The following MAPK8 variants were observed in gnomAD, a reference collection of about 807,000 sequenced individuals.
MAPK8 encodes mitogen-activated protein kinase 8.
In MAPK8, 13 loss-of-function variants were observed where a neutral mutation model predicts 52.9. The observed-to-expected ratio is 0.25, with a 90% CI of 0.16 to 0.39. The LOEUF (loss-of-function observed/expected upper bound fraction) is 0.39. MAPK8 is among the 10% of genes least tolerant of loss of function. MAPK8 has a pLI of 1.00. For synonymous variants in MAPK8, 191 were observed against 169.8 expected (o/e 1.12, Z -0.97); for missense variants, 300 against 519.2 (o/e 0.58, Z 4.10).
intron 1 of MAPK8, among the ~76,000 whole-genome samples, chr10:48,321,830 G>T (rs1466683603): frequency 6.6e-6 from 1 of 152,108 alleles, no homozygotes; most frequent in Non-Finnish European, 1.5e-5. Flanking sequence ...TCTGGACTCT[G>T]AATTCTATTC....
At chr10:48,366,097 A>G (rs1400912328) in intron 1 of MAPK8, among the ~76,000 whole-genome samples, 1 of 152,064 alleles carries the variant, frequency 6.6e-6, no homozygotes. Flanking sequence ...CTCTTATGTA[A>G]TAAGAAAAGA....
At chr10:48,381,926 A>G (rs1251851853) in intron 1 of MAPK8, among the ~76,000 whole-genome samples, 1 of 152,186 alleles carries the variant, frequency 6.6e-6, no homozygotes. Flanking sequence ...GCACCCAAGT[A>G]TGATTATGAA....
chr10:48,382,821 C>G (rs1263528712), intron 1 of MAPK8, among the ~76,000 whole-genome samples: 2 of 144,320 alleles, frequency 1.4e-5, no homozygotes, highest in Non-Finnish European at 1.5e-5. Flanking sequence ...ATATATATGA[C>G]TCAGGCTAGC....
At chr10:48,424,268 T>A (rs2043537013) in intron 7 of MAPK8, 109 bp downstream of exon 7, 4 of 1,044,998 alleles carry the variant, frequency 3.8e-6, no homozygotes, top group Non-Finnish European at 5.7e-6. Flanking sequence ...TAAACAGGCA[T>A]AAAGTTTGTG....
intron 10 of MAPK8, chr10:48,429,790 A>G (rs2044035200): frequency 6.6e-6 from 1 of 152,272 alleles, no homozygotes; most frequent in South Asian, 2.1e-4. Flanking sequence ...CATTTGTTTT[A>G]CCTTATTACC....
chr10:48,361,009 A>G (rs1180042597), intron 1 of MAPK8, among the ~76,000 whole-genome samples: 3 of 152,144 alleles, frequency 2.0e-5, no homozygotes, highest in Non-Finnish European at 4.4e-5. Flanking sequence ...GTACATTTCT[A>G]TGCCAGTTAT....
chr10:48,321,412 C>G lies in MAPK8; in HGVS notation c.-50+14591C>G, dbSNP rs75574801. On this transcript the variant is annotated intron_variant, in intron 1 of 11. Transcript: ENST00000374189. ...AAGAGTTCTTTATATATTATAGATA[C>G]AAGTTGCATAACAGATGTATGGTTT... 6.2e-3 allele frequency among the ~76,000 whole-genome samples: 941 copies of G among 152,274 alleles called. 5 individuals are homozygous for G. The highest frequency in any genetic ancestry group is 0.02 in the Middle Eastern group (6 of 294).
At chr10:48,415,984 C>G (rs1223406297) in intron 5 of MAPK8, among the ~76,000 whole-genome samples, 1 of 152,126 alleles carries the variant, frequency 6.6e-6, no homozygotes, top group African/African-American at 2.4e-5. Context: ...CTCCCTTTAT[C>G]TTGGCTTGGG....
chr10:48,389,396 C>T (rs555451505), intron 1 of MAPK8, among the ~76,000 whole-genome samples: 2 of 152,238 alleles, frequency 1.3e-5, no homozygotes, highest in South Asian at 2.1e-4. Flanking sequence ...TATTATCTGC[C>T]TCTTGAAGAA....
chr10:48,382,950 A>ATATG (rs1554825284), intron 1 of MAPK8, among the ~76,000 whole-genome samples: 1 of 146,602 alleles, frequency 6.8e-6, no homozygotes, highest in Non-Finnish European at 1.5e-5. Flanking sequence ...GTATATATAT[A>ATATG]TGTATATATA....
intron 5 of MAPK8, among the ~76,000 whole-genome samples, chr10:48,413,107 T>C (rs2042850891): frequency 6.6e-6 from 1 of 152,244 alleles, no homozygotes; most frequent in Non-Finnish European, 1.5e-5. Context: ...ATCCATGTTG[T>C]AGCATATGTC....
intron 1 of MAPK8, among the ~76,000 whole-genome samples, chr10:48,401,245 A>C (rs537553667): frequency 6.6e-6 from 1 of 152,270 alleles, no homozygotes; most frequent in African/African-American, 2.4e-5. Context: ...TTTATTCTCT[A>C]TAATAAGCAC....
At chr10:48,384,121 G>A (rs1345536514) in intron 1 of MAPK8, among the ~76,000 whole-genome samples, 1 of 152,136 alleles carries the variant, frequency 6.6e-6, no homozygotes, top group Non-Finnish European at 1.5e-5. Flanking sequence ...GTGTGGTAGC[G>A]GGCACCTGTA....
chr10:48,348,965 G>T (rs1227384622), intron 1 of MAPK8, among the ~76,000 whole-genome samples: 1 of 142,458 alleles, frequency 7.0e-6, no homozygotes, highest in South Asian at 2.2e-4. Context: ...AAAAAAAAAA[G>T]CAGGGGTTGC....
chr10:48,425,944 A>T lies in MAPK8; in HGVS notation c.745A>T (p.Met249Leu). The T allele has an allele frequency of 1.2e-6, 2 of 1,612,726 alleles. No individual in the cohort carries two copies. Among genetic ancestry groups the T allele is most frequent in the South Asian group, 2.2e-5 (2 of 90,922 alleles). ...EQLGTPCPEF[M>L]KKLQPTVRTY... ...GCTTGGAACACCATGTCCTGAATTC[A>T]TGAAGAAACTGCAACCAACAGTAAG... is the stretch of plus-strand genomic sequence containing the variant. The change falls in exon 8 of 12, where the codon ATG (methionine) becomes TTG (leucine). Residue 249 changes from methionine to leucine, a missense_variant. Met to Leu is a conservative substitution (Grantham distance 15, BLOSUM62 2). Coordinates refer to ENST00000374189, the MANE Select transcript of MAPK8 (RefSeq NM_001323329.2).
At chr10:48,387,745 G>A (rs1486493541) in intron 1 of MAPK8, among the ~76,000 whole-genome samples, 1 of 152,150 alleles carries the variant, frequency 6.6e-6, no homozygotes, top group African/African-American at 2.4e-5. Flanking sequence ...AGATGAGCAT[G>A]TCATATGTAG....
intron 6 of MAPK8, among the ~76,000 whole-genome samples, chr10:48,423,295 C>A (rs552337761): frequency 1.8e-4 from 27 of 152,272 alleles, no homozygotes; most frequent in Non-Finnish European, 2.9e-4. Context: ...ATACTCAATT[C>A]GTGGGAACTG....
chr10:48,425,552 A>G (rs1409432003), intron 7 of MAPK8: 1 of 327,558 alleles, frequency 3.1e-6, no homozygotes, highest in African/African-American at 2.1e-5. Flanking sequence ...TTATTATAGC[A>G]TTGTGTGCAG....
At chr10:48,326,713 T>C (rs1843558457) in intron 1 of MAPK8, among the ~76,000 whole-genome samples, 1 of 152,246 alleles carries the variant, frequency 6.6e-6, no homozygotes, top group South Asian at 2.1e-4. Flanking sequence ...TGTATCTATA[T>C]AAGCTAAACA....
Sources: gnomAD v4.1 joint callset for allele counts (sites outside exome capture counted in the v4.1 genomes callset) on GRCh38, gnomAD v4.1.1 for gene constraint, MANE v1.5 for transcripts, NCBI Gene and HGNC (gene_info 2026-07-23, HGNC 2026-07-21) for gene names.